TOP1: variants seen among roughly 807,000 people sequenced by gnomAD.
TOP1 encodes DNA topoisomerase 1.
A neutral mutation model predicts 111.1 loss-of-function variants in TOP1; 10 were observed. That is an observed-to-expected ratio of 0.09 (90% confidence interval 0.06 to 0.15). The LOEUF (loss-of-function observed/expected upper bound fraction) is 0.15. TOP1 is among the 10% of genes least tolerant of loss of function. The pLI, the probability that TOP1 is intolerant of heterozygous loss-of-function variation, is 1.00. For synonymous variants in TOP1, 271 were observed against 302.9 expected (o/e 0.89, Z 1.10); for missense variants, 474 against 926.7 (o/e 0.51, Z 6.34).
At position 41,123,584 on chromosome 20, in the gene TOP1, G is replaced by A. The variant is rs1250632329; in HGVS notation, c.*287G>A. The stretch of plus-strand genomic sequence containing the variant: ...GGCAAGTGGATGGGAATTTGTCAGC[G>A]TTCTACCAGGCAAATTCACTGTTTC... On this transcript the variant is annotated 3_prime_UTR_variant, in exon 21 of 21. Coordinates refer to ENST00000361337, the MANE Select transcript of TOP1 (RefSeq NM_003286.4). The surrounding 1 kb of genome is among the most constrained non-coding windows in gnomAD (Gnocchi z 5.8). The A allele has an allele frequency of 1.5e-5, 5 of 325,198 alleles. No individual in the cohort carries two copies. Among genetic ancestry groups the A allele is most frequent in the Admixed American group, 9.6e-5 (2 of 20,776 alleles). 20.1% of individuals were successfully genotyped at this position (325,198 alleles called of 1,614,324 possible). A position where few individuals can be genotyped will look rare whatever the true frequency, so the allele number is the denominator to read the frequency against.
intron 2 of TOP1, among the ~76,000 whole-genome samples, chr20:41,056,827 G>A (rs1176707822): frequency 1.3e-5 from 2 of 152,028 alleles, no homozygotes; most frequent in Non-Finnish European, 2.9e-5. Flanking sequence ...TTTGACCTAG[G>A]TCTTATTTGT....
chr20:41,120,083 T>G (rs763445115), intron 18 of TOP1, among the ~76,000 whole-genome samples: 1 of 152,208 alleles, frequency 6.6e-6, no homozygotes, highest in African/African-American at 2.4e-5. Flanking sequence ...CACACGCCCC[T>G]GTTTGCCAAG....
In TOP1 at chr20:41,116,202, A is replaced by G; in HGVS notation, c.1708-76A>G. 2.1e-6 allele frequency: 2 copies of G among 933,916 alleles called. No homozygotes were observed. Among genetic ancestry groups the G allele is most frequent in the South Asian group, 2.9e-5 (2 of 69,864 alleles). 57.9% of individuals were successfully genotyped at this position (933,916 alleles called of 1,614,324 possible). ...TTGACAAGATTGTGACTGCACTGGC[A>G]TAAATTACTCCTAGGGCTGCCAGAA... On this transcript the variant is annotated intron_variant, in intron 16 of 20. Coordinates refer to ENST00000361337, the MANE Select transcript of TOP1 (RefSeq NM_003286.4). The surrounding 1 kb of genome is among the most constrained non-coding windows in gnomAD (Gnocchi z 5.6).
At position 41,092,667 on chromosome 20, in the gene TOP1, C is replaced by A. The variant is rs776250409; in HGVS notation, c.730+80C>A. 1.7e-5 allele frequency: 12 copies of A among 708,868 alleles called. No homozygotes were observed. Among genetic ancestry groups the A allele is most frequent in the Non-Finnish European group, 2.4e-5 (10 of 413,946 alleles). 43.9% of individuals were successfully genotyped at this position (708,868 alleles called of 1,614,324 possible). A position where few individuals can be genotyped will look rare whatever the true frequency, so the allele number is the denominator to read the frequency against. The stretch of plus-strand genomic sequence containing the variant: ...TTAGGGATAGAAAACAAGGAAGGAT[C>A]CTATGTAATAGATAATCCTTTTTAT... On this transcript the variant is annotated intron_variant, in intron 9 of 20. Coordinates refer to ENST00000361337, the MANE Select transcript of TOP1 (RefSeq NM_003286.4). This position sits in a 1 kb window ranked among gnomAD's most constrained non-coding sequence, Gnocchi z 4.3.
intron 4 of TOP1, 45 bp from the exon 5 acceptor site, chr20:41,077,537 A>G (rs1359351537): frequency 6.6e-7 from 1 of 1,522,522 alleles, no homozygotes; most frequent in East Asian, 2.2e-5. Context: ...GTTTCTTCAA[A>G]TTTAGTCCTT....
In TOP1 at chr20:41,029,950, T is replaced by G. The variant is rs974811300; in HGVS notation, c.58+495T>G. Reference sequence around the variant, plus strand: ...AATTATTATTTTTTAAACTTTATTTTGGGGGTTATTCCCTTTATGCTTCAT... The same window carrying G: ...AATTATTATTTTTTAAACTTTATTTGGGGGGTTATTCCCTTTATGCTTCAT... On this transcript the variant is annotated intron_variant, in intron 2 of 20. Coordinates refer to ENST00000361337, the MANE Select transcript of TOP1 (RefSeq NM_003286.4). This position sits in a 1 kb window ranked among gnomAD's most constrained non-coding sequence, Gnocchi z 6.1. 3.9e-5 allele frequency among the ~76,000 whole-genome samples: 6 copies of G among 152,244 alleles called. No individual in the cohort carries two copies. The highest frequency in any genetic ancestry group is 8.8e-5 in the Non-Finnish European group (6 of 68,040).
chr20:41,081,296 A>C (rs920385222), intron 7 of TOP1, 56 bp downstream of exon 7: 46 of 1,544,990 alleles, frequency 3.0e-5, no homozygotes, highest in Non-Finnish European at 4.0e-5. Context: ...GGAGTTTTCC[A>C]GTAAGCAACT....
chr20:41,059,982 G>A (rs968285776), intron 2 of TOP1, among the ~76,000 whole-genome samples: 1 of 152,104 alleles, frequency 6.6e-6, no homozygotes, highest in Non-Finnish European at 1.5e-5. Flanking sequence ...CCACAGTGAG[G>A]TACCACTCCA....
In TOP1 at chr20:41,095,704, A is replaced by T. The variant is rs560315333; in HGVS notation, c.731-1516A>T. Among the ~76,000 whole-genome samples, 1 of 152,316 alleles carries T rather than the reference A, an allele frequency of 6.6e-6. No individual in the cohort carries two copies. Among genetic ancestry groups the T allele is most frequent in the Non-Finnish European group, 1.5e-5 (1 of 68,028 alleles). ...TAAGATGTCTTCTGAGTTTTGAAAT[A>T]AATGGATTTCTGGTTAAATTTTAGT... On this transcript the variant is annotated intron_variant, in intron 9 of 20. Transcript: ENST00000361337. The surrounding 1 kb of genome is among the most constrained non-coding windows in gnomAD (Gnocchi z 4.6).
chr20:41,067,293 G>A lies in TOP1; in HGVS notation c.155+5803G>A, dbSNP rs1240389478. 6.6e-6 allele frequency among the ~76,000 whole-genome samples: 1 copy of A among 151,808 alleles called. No homozygotes were observed. Among genetic ancestry groups the A allele is most frequent in the Non-Finnish European group, 1.5e-5 (1 of 67,940 alleles). On this transcript the variant is annotated intron_variant, in intron 3 of 20. Transcript: ENST00000361337. This position sits in a 1 kb window ranked among gnomAD's most constrained non-coding sequence, Gnocchi z 4.0. ...CTGCCACCACGCCGAGCTAATTTTT[G>A]TATTTTTGGTAGAGACGAGGTTTCA...
intron 3 of TOP1, among the ~76,000 whole-genome samples, chr20:41,065,003 C>T (rs2033590158): frequency 6.6e-6 from 1 of 152,122 alleles, no homozygotes; most frequent in South Asian, 2.1e-4. Context: ...CTCCCAGGTT[C>T]AAGTGATTCT....
intron 2 of TOP1, among the ~76,000 whole-genome samples, chr20:41,039,885 C>T (rs2033239523): frequency 6.6e-6 from 1 of 151,864 alleles, no homozygotes; most frequent in Non-Finnish European, 1.5e-5. Context: ...CCAGCCTGGG[C>T]GTCAGAGCGA....
intron 2 of TOP1, among the ~76,000 whole-genome samples, chr20:41,053,765 T>C (rs2033434549): frequency 6.6e-6 from 1 of 152,264 alleles, no homozygotes; most frequent in Non-Finnish European, 1.5e-5. Context: ...TCCATTGATC[T>C]GCCATTCTAC....
At chr20:41,104,568 T>C (rs2034115985) in intron 13 of TOP1, among the ~76,000 whole-genome samples, 1 of 152,172 alleles carries the variant, frequency 6.6e-6, no homozygotes, top group African/African-American at 2.4e-5. Flanking sequence ...TTCCAGACAA[T>C]ATCCAGCTAA....
intron 13 of TOP1, among the ~76,000 whole-genome samples, chr20:41,111,379 C>T (rs923196143): frequency 6.6e-6 from 1 of 152,126 alleles, no homozygotes; most frequent in African/African-American, 2.4e-5. Flanking sequence ...ACTAAATCAC[C>T]CACCCATGAT....
chr20:41,044,959 T>C (rs2033315445), intron 2 of TOP1, among the ~76,000 whole-genome samples: 2 of 152,124 alleles, frequency 1.3e-5, no homozygotes, highest in Admixed American at 6.5e-5. Flanking sequence ...AGCCAGTTTT[T>C]TTGTATTTAG....
At position 41,110,114 on chromosome 20, in the gene TOP1, C is replaced by T. The variant is rs2034210847; in HGVS notation, c.1309-2668C>T. On this transcript the variant is annotated intron_variant, in intron 13 of 20. Transcript: ENST00000361337. The surrounding 1 kb of genome is among the most constrained non-coding windows in gnomAD (Gnocchi z 4.2). ...CCAGCCTGGCCAACATGGCGAAACA[C>T]CGTCTCTACAAAAAAATACAAAAAT... Among the ~76,000 whole-genome samples, 1 of 152,138 alleles carries T rather than the reference C, an allele frequency of 6.6e-6. No homozygotes were observed. The highest frequency in any genetic ancestry group is 6.5e-5 in the Admixed American group (1 of 15,278).
At chr20:41,035,967 A>AT (rs2033179827) in intron 2 of TOP1, among the ~76,000 whole-genome samples, 1 of 152,190 alleles carries the variant, frequency 6.6e-6, no homozygotes, top group African/African-American at 2.4e-5. Flanking sequence ...GTAGTTGACT[A>AT]TGTGAGCTCT....
At chr20:41,090,269 G>A (rs2033903980) in intron 8 of TOP1, among the ~76,000 whole-genome samples, 1 of 152,110 alleles carries the variant, frequency 6.6e-6, no homozygotes, top group Non-Finnish European at 1.5e-5. Flanking sequence ...GTGAGCCACT[G>A]CGCCCAGCCC....
Sources: gnomAD v4.1 joint callset for allele counts (sites outside exome capture counted in the v4.1 genomes callset) on GRCh38, gnomAD v4.1.1 for gene constraint, Gnocchi (gnomAD v3.1) non-coding constraint, MANE v1.5 for transcripts, NCBI Gene and HGNC (gene_info 2026-07-23, HGNC 2026-07-21) for gene names.